KCND2: variants seen among roughly 807,000 people sequenced by gnomAD.
KCND2 encodes potassium voltage-gated channel subfamily D member 2, also known as A-type voltage-gated potassium channel KCND2.
In KCND2, 16 loss-of-function variants were observed where a neutral mutation model predicts 54.4. The ratio of observed to expected loss-of-function variants is 0.29; its 90% confidence interval spans 0.20 to 0.45. The LOEUF (loss-of-function observed/expected upper bound fraction) is 0.45, where lower values mean the gene tolerates loss of function less well. KCND2 is among the 20% of genes least tolerant of loss of function. The pLI is 1.00. For synonymous variants in KCND2, 317 were observed against 310.7 expected (o/e 1.02, Z -0.21); for missense variants, 486 against 824.2 (o/e 0.59, Z 5.02).
chr7:120,540,486 C>T (rs1791966325), intron 1 of KCND2, among the ~76,000 whole-genome samples: 1 of 152,096 alleles, frequency 6.6e-6, no homozygotes, highest in African/African-American at 2.4e-5. Context: ...CTTGTTGATA[C>T]ACTAGCTTTG....
intron 1 of KCND2, among the ~76,000 whole-genome samples, chr7:120,281,785 T>C (rs1799267620): frequency 2.0e-5 from 3 of 152,322 alleles, no homozygotes; most frequent in Admixed American, 2.0e-4. Flanking sequence ...AGATGGCACT[T>C]GTACGCCATG....
intron 1 of KCND2, among the ~76,000 whole-genome samples, chr7:120,278,755 TAATC>T (rs752231253): frequency 6.6e-6 from 1 of 151,890 alleles, no homozygotes; most frequent in Non-Finnish European, 1.5e-5. Flanking sequence ...AGTCATTACT[TAATC>T]TATCAGAAAA....
chr7:120,296,988 A>G (rs1299718182), intron 1 of KCND2, among the ~76,000 whole-genome samples: 2 of 152,040 alleles, frequency 1.3e-5, no homozygotes, highest in Non-Finnish European at 2.9e-5. Flanking sequence ...AATTTGACAT[A>G]TTTTTATGAT....
At chr7:120,672,541 G>C (rs1033403606) in intron 1 of KCND2, among the ~76,000 whole-genome samples, 2 of 151,984 alleles carry the variant, frequency 1.3e-5, no homozygotes, top group African/African-American at 4.8e-5. Context: ...CTCTTTCTGC[G>C]TCCACAATAA....
chr7:120,585,014 G>A (rs913232078), intron 1 of KCND2, among the ~76,000 whole-genome samples: 1 of 152,148 alleles, frequency 6.6e-6, no homozygotes, highest in Non-Finnish European at 1.5e-5. Context: ...TCTCTTTGGG[G>A]TGGTGGCATA....
At chr7:120,714,605 A>G (rs930930616) in intron 1 of KCND2, among the ~76,000 whole-genome samples, 2 of 152,118 alleles carry the variant, frequency 1.3e-5, no homozygotes, top group East Asian at 1.9e-4. Context: ...TTTAATATTT[A>G]TGTCATTTAC....
chr7:120,700,983 G>A (rs1201678859), intron 1 of KCND2, among the ~76,000 whole-genome samples: 2 of 152,048 alleles, frequency 1.3e-5, no homozygotes, highest in African/African-American at 4.8e-5. Context: ...CTCTTTCCAT[G>A]TCATTACTCT....
chr7:120,540,622 C>T (rs1036632726), intron 1 of KCND2, among the ~76,000 whole-genome samples: 2 of 152,102 alleles, frequency 1.3e-5, no homozygotes, highest in African/African-American at 2.4e-5. Context: ...GCTCACATTT[C>T]CCAAACTTCT....
chr7:120,595,477 A>G (rs1386663088), intron 1 of KCND2, among the ~76,000 whole-genome samples: 2 of 115,534 alleles, frequency 1.7e-5, no homozygotes, highest in Non-Finnish European at 3.2e-5. Flanking sequence ...ATATATATAT[A>G]TATGTGTATA....
At chr7:120,335,435 C>T (rs1159028914) in intron 1 of KCND2, among the ~76,000 whole-genome samples, 1 of 141,146 alleles carries the variant, frequency 7.1e-6, no homozygotes, top group African/African-American at 2.7e-5. Context: ...CCATGGCTTG[C>T]TTTATTTATT....
At chr7:120,411,869 A>T (rs1248473928) in intron 1 of KCND2, among the ~76,000 whole-genome samples, 2 of 151,860 alleles carry the variant, frequency 1.3e-5, no homozygotes, top group Non-Finnish European at 2.9e-5. Context: ...TTTTGACTAG[A>T]TGGGTTTCCT....
At chr7:120,311,451 T>G (rs1297081725) in intron 1 of KCND2, among the ~76,000 whole-genome samples, 7 of 152,216 alleles carry the variant, frequency 4.6e-5, no homozygotes, top group African/African-American at 1.7e-4. Flanking sequence ...GGAAATAGCA[T>G]TAATCTGAGG....
intron 1 of KCND2, among the ~76,000 whole-genome samples, chr7:120,277,470 CTGTTT>C (rs1362423701): frequency 3.3e-5 from 5 of 151,956 alleles, no homozygotes; most frequent in African/African-American, 1.2e-4. Flanking sequence ...AAAAAAGATT[CTGTTT>C]TAATAGGAAG....
intron 1 of KCND2, among the ~76,000 whole-genome samples, chr7:120,578,960 A>G (rs1792476891): frequency 6.6e-6 from 1 of 152,128 alleles, no homozygotes; most frequent in African/African-American, 2.4e-5. Context: ...AGAAAAAAGA[A>G]ATAAAGAAAT....
rs1440490122 is a variant in KCND2 at position 120,682,228 on chromosome 7, T to C, written c.1116-50675T>C. ...ATGTTTTCTCTAAGTGCAGCTTGTT[T>C]TCATTACATAAGTTATTTCTCTCAG... On this transcript the variant is annotated intron_variant, in intron 1 of 5. Transcript: ENST00000331113. Among the ~76,000 whole-genome samples the C allele has an allele frequency of 3.9e-5, 6 of 152,062 alleles. No homozygotes were observed. The East Asian group carries it at 1.2e-3, about 29-fold the overall frequency.
intron 1 of KCND2, among the ~76,000 whole-genome samples, chr7:120,535,809 A>G (rs1258191184): frequency 6.6e-6 from 1 of 152,208 alleles, no homozygotes; most frequent in Non-Finnish European, 1.5e-5. Context: ...TATCCATAGC[A>G]GGATGAAGGC....
intron 1 of KCND2, among the ~76,000 whole-genome samples, chr7:120,653,688 A>C (rs73219469): frequency 6.6e-6 from 1 of 152,228 alleles, no homozygotes; most frequent in Non-Finnish European, 1.5e-5. Context: ...GATGTTGTTC[A>C]GCATCCATTT....
At chr7:120,687,882 A>G (rs1452435151) in intron 1 of KCND2, among the ~76,000 whole-genome samples, 1 of 152,168 alleles carries the variant, frequency 6.6e-6, no homozygotes, top group Admixed American at 6.6e-5. Context: ...TTCTTTCAAA[A>G]GTATCTCTTT....
chr7:120,579,272 T>C (rs1001763164), intron 1 of KCND2, among the ~76,000 whole-genome samples: 6 of 152,116 alleles, frequency 3.9e-5, no homozygotes, highest in African/African-American at 1.4e-4. Flanking sequence ...TTATTATTCT[T>C]TTCTTTATTC....
Sources: gnomAD v4.1 joint callset for allele counts (sites outside exome capture counted in the v4.1 genomes callset) on GRCh38, gnomAD v4.1.1 for gene constraint, MANE v1.5 for transcripts, NCBI Gene and HGNC (gene_info 2026-07-23, HGNC 2026-07-21) for gene names.